SLC37A3: variants seen among roughly 807,000 people sequenced by gnomAD.
SLC37A3 encodes the protein sugar phosphate exchanger 3.
Under a neutral mutation model 67.1 loss-of-function variants are expected in SLC37A3, and 51 were observed. That is an observed-to-expected ratio of 0.76 (90% CI 0.61 to 0.96). The LOEUF (loss-of-function observed/expected upper bound fraction) is 0.96. SLC37A3 is among the 40% of genes least tolerant of loss of function. SLC37A3 has a pLI of 0.00. For missense variants in SLC37A3, 508 were observed against 603.0 expected (o/e 0.84, Z 1.65); for synonymous variants, 214 against 231.4 (o/e 0.92, Z 0.68).
At chr7:140,358,891 C>T (rs1797147446) in intron 5 of SLC37A3, 106 bp from the exon 6 acceptor site, 7 of 1,381,928 alleles carry the variant, frequency 5.1e-6, no homozygotes, top group Non-Finnish European at 7.1e-6. Context: ...GAAGGATACA[C>T]TCACACAGCC....
rs1585255329 is a variant in SLC37A3, at chr7:140,343,767, C to G, written c.1175-204G>C. The G allele has an allele frequency of 2.4e-5, 13 of 546,978 alleles. 1 individual carries two copies. The East Asian group carries it at 4.4e-4, about 18-fold the overall frequency. 33.9% of individuals were successfully genotyped at this position (546,978 alleles called of 1,614,324 possible). A position where few individuals can be genotyped will look rare whatever the true frequency, so the allele number is the denominator to read the frequency against. On this transcript the variant is annotated intron_variant, in intron 12 of 14. Coordinates refer to ENST00000326232, the MANE Select transcript of SLC37A3 (RefSeq NM_207113.3). ...ATCCCTTCTCGAATTATGTGACACT[C>G]TAGTATATTTTGTAGAACCCAAAGA...
intron 1 of SLC37A3, among the ~76,000 whole-genome samples, chr7:140,385,509 A>G (rs1382272910): frequency 1.7e-4 from 26 of 152,210 alleles, no homozygotes; most frequent in Non-Finnish European, 5.9e-5. Context: ...TATGTACTCC[A>G]GGAAAGGGCA....
At chr7:140,375,195 G>A (rs1395091900) in intron 3 of SLC37A3, among the ~76,000 whole-genome samples, 2 of 148,580 alleles carry the variant, frequency 1.3e-5, no homozygotes, top group Non-Finnish European at 3.0e-5. Flanking sequence ...CAGGCTGGGT[G>A]CAGTGGCTCC....
At chr7:140,377,741 A>T (rs1798089106) in intron 3 of SLC37A3, among the ~76,000 whole-genome samples, 2 of 152,218 alleles carry the variant, frequency 1.3e-5, no homozygotes, top group Non-Finnish European at 2.9e-5. Context: ...TAAGCAAAAT[A>T]TTTTTTTAGC....
At chr7:140,339,832 G>T (rs1481508618) in intron 13 of SLC37A3, among the ~76,000 whole-genome samples, 2 of 150,768 alleles carry the variant, frequency 1.3e-5, no homozygotes, top group Non-Finnish European at 3.0e-5. Context: ...CACCTCCCGG[G>T]TTCACGCCAT....
intron 13 of SLC37A3, among the ~76,000 whole-genome samples, chr7:140,337,979 C>G (rs926646157): frequency 6.6e-6 from 1 of 151,794 alleles, no homozygotes; most frequent in Non-Finnish European, 1.5e-5. Flanking sequence ...CAAGCTCTGC[C>G]TCCCAGGTTC....
At chr7:140,384,015 G>A (rs1206092093) in intron 1 of SLC37A3, among the ~76,000 whole-genome samples, 1 of 152,064 alleles carries the variant, frequency 6.6e-6, no homozygotes, top group East Asian at 1.9e-4. Flanking sequence ...TCTAAAAGCT[G>A]CACCCATGCT....
At chr7:140,393,053 C>A (rs775972901) in intron 1 of SLC37A3, among the ~76,000 whole-genome samples, 3 of 152,094 alleles carry the variant, frequency 2.0e-5, no homozygotes, top group Non-Finnish European at 2.9e-5. Context: ...GATCGCGCCA[C>A]TGTACTCCAG....
intron 5 of SLC37A3, among the ~76,000 whole-genome samples, chr7:140,361,696 G>A (rs1204958456): frequency 1.3e-5 from 2 of 149,814 alleles, no homozygotes; most frequent in Admixed American, 6.6e-5. Context: ...TTGCAGGCGC[G>A]CGCCGCCACG....
chr7:140,340,984 G>A (rs1796340287), intron 13 of SLC37A3, among the ~76,000 whole-genome samples: 1 of 151,484 alleles, frequency 6.6e-6, no homozygotes, highest in African/African-American at 2.4e-5. Flanking sequence ...CACCCAGGCT[G>A]GACTGGAGTG....
At chr7:140,348,471 T>A in intron 10 of SLC37A3, 155 bp downstream of exon 10, 1 of 689,458 alleles carries the variant, frequency 1.5e-6, no homozygotes, top group Admixed American at 4.1e-5. Context: ...TCTTTTTTTT[T>A]TTTTTTTGAG....
intron 13 of SLC37A3, among the ~76,000 whole-genome samples, chr7:140,340,927 G>A (rs1796336047): frequency 2.0e-5 from 2 of 100,802 alleles, no homozygotes; most frequent in Non-Finnish European, 3.8e-5. Context: ...GCCAGATGCT[G>A]TCTCAAAAAA....
chr7:140,343,674 G>A, intron 12 of SLC37A3, 111 bp from the exon 13 acceptor site: 1 of 1,070,708 alleles, frequency 9.3e-7, no homozygotes, highest in Non-Finnish European at 1.3e-6. Flanking sequence ...GAGAGAAGTG[G>A]AAAAAAAAGG....
At position 140,396,556 on chromosome 7, in the gene SLC37A3, AC is replaced by A. The variant is rs552607732; in HGVS notation, c.-71+1859del. On this transcript the variant is annotated intron_variant, in intron 1 of 14. Transcript: ENST00000326232. ...TGTTTTTGGACATGTTCCAAAGACA[AC>A]TAGTTTTCAAGATAAAAATCTTTCC... 2.2e-3 allele frequency among the ~76,000 whole-genome samples: 329 copies of A among 152,300 alleles called. 2 individuals are homozygous for A. Among genetic ancestry groups the A allele is most frequent in the African/African-American group, 7.4e-3 (308 of 41,564 alleles).
At chr7:140,354,388 A>G (rs568144522) in intron 7 of SLC37A3, among the ~76,000 whole-genome samples, 1 of 151,264 alleles carries the variant, frequency 6.6e-6, no homozygotes, top group South Asian at 2.1e-4. Context: ...ACATGTTTTC[A>G]AACTTTTGGA....
intron 5 of SLC37A3, among the ~76,000 whole-genome samples, chr7:140,362,699 G>A (rs867121469): frequency 0.017 from 1,041 of 62,660 alleles, 44 homozygotes; most frequent in African/African-American, 0.028. Flanking sequence ...CCCCCTGCCC[G>A]GCCAGCCGCC....
rs376340587 is a variant in SLC37A3 at position 140,380,819 on chromosome 7, C to T, written c.90-429G>A. On this transcript the variant is annotated intron_variant, in intron 2 of 14. Coordinates refer to ENST00000326232, the MANE Select transcript of SLC37A3 (RefSeq NM_207113.3). Reference sequence around the variant, plus strand: ...ATGGTCTCAAACTCCTGGGCTCAAGCGATCCTCCCACCACTTGGCTTCCCA... The same window carrying T: ...ATGGTCTCAAACTCCTGGGCTCAAGTGATCCTCCCACCACTTGGCTTCCCA... Among the ~76,000 whole-genome samples the T allele has an allele frequency of 7.2e-5, 11 of 152,012 alleles. No individual in the cohort carries two copies. The East Asian group carries it at 7.8e-4, about 11-fold the overall frequency.
intron 14 of SLC37A3, 99 bp downstream of exon 14, chr7:140,337,184 TA>T: frequency 1.3e-6 from 1 of 793,766 alleles, no homozygotes; most frequent in Non-Finnish European, 1.9e-6. Context: ...AAGGAGCCTT[TA>T]AAAGCAATCA....
intron 5 of SLC37A3, among the ~76,000 whole-genome samples, chr7:140,359,503 T>C (rs557749477): frequency 1.3e-5 from 2 of 152,200 alleles, no homozygotes; most frequent in South Asian, 4.1e-4. Flanking sequence ...GGTGCTGCTA[T>C]GGGCAGAGGC....
Sources: allele counts gnomAD v4.1 joint callset (sites outside exome capture counted in the v4.1 genomes callset), GRCh38; gene constraint gnomAD v4.1.1; transcripts MANE v1.5; gene names NCBI Gene and HGNC (gene_info 2026-07-23, HGNC 2026-07-21).